Variants in GABRG1 observed in about 807,000 individuals in gnomAD.
GABRG1 encodes the protein gamma-aminobutyric acid type A receptor subunit gamma1.
In GABRG1, 49 loss-of-function variants were observed where a neutral mutation model predicts 49.8. The observed-to-expected ratio is 0.98, with a 90% CI of 0.78 to 1.25. The LOEUF is 1.25. Among genes scored for constraint, GABRG1 ranks in the 50% most tolerant of loss-of-function variants. GABRG1 has a pLI of 0.00. For missense variants in GABRG1, 552 were observed against 552.3 expected, an observed-to-expected ratio of 1.00 and a Z score of 0.01; for synonymous variants, 232 against 185.1, an observed-to-expected ratio of 1.25 and a Z score of -2.06.
intron 2 of GABRG1, among the ~76,000 whole-genome samples, chr4:46,094,680 G>A (rs1720110116): frequency 6.6e-6 from 1 of 151,662 alleles, no homozygotes; most frequent in Admixed American, 6.6e-5. Context: ...GCTTCTACAA[G>A]GAAAAGAAGA....
intron 2 of GABRG1, among the ~76,000 whole-genome samples, chr4:46,086,362 T>A (rs1719752155): frequency 6.6e-6 from 1 of 151,684 alleles, no homozygotes; most frequent in Non-Finnish European, 1.5e-5. Flanking sequence ...TAGAGGTGGG[T>A]AATTGGTATA....
intron 3 of GABRG1, among the ~76,000 whole-genome samples, chr4:46,074,511 A>G (rs577439938): frequency 1.1e-3 from 165 of 152,274 alleles, no homozygotes; most frequent in African/African-American, 3.8e-3. Context: ...CATGTCACAA[A>G]GCTAGGTACC....
chr4:46,102,869 A>C (rs1720426559), intron 1 of GABRG1, among the ~76,000 whole-genome samples: 1 of 151,846 alleles, frequency 6.6e-6, no homozygotes, highest in East Asian at 2.0e-4. Context: ...AAAATTATGA[A>C]GAAAATCCAT....
chr4:46,084,714 AT>A (rs1405923063), intron 2 of GABRG1, among the ~76,000 whole-genome samples: 1 of 151,694 alleles, frequency 6.6e-6, no homozygotes, highest in Non-Finnish European at 1.5e-5. Flanking sequence ...CACAGATTTA[AT>A]TTTAGTACAC....
chr4:46,051,424 C>A lies in GABRG1; in HGVS notation c.1131G>T (p.Ser377=), dbSNP rs764771110. ...ATAGAAATTTTTCTTTTTAACATACCGAGGCTTTATTTTTTAGCTTTCTGT... is the reference window on the plus strand; with the variant it reads ...ATAGAAATTTTTCTTTTTAACATACAGAGGCTTTATTTTTTAGCTTTCTGT... ...TKDRKLKNKA[S]MTPGLHPGST... is the part of the protein sequence containing the mutation. The change falls in exon 8 of 9, where the codon TCG becomes TCT. Residue 377 remains serine, a splice_region_variant and synonymous_variant. Transcript: ENST00000295452. The A allele has an allele frequency of 6.3e-7, 1 of 1,595,376 alleles. No homozygotes were observed. The highest frequency in any genetic ancestry group is 8.5e-7 in the Non-Finnish European group (1 of 1,171,868).
chr4:46,086,130 T>C (rs1719743603), intron 2 of GABRG1, among the ~76,000 whole-genome samples: 1 of 151,784 alleles, frequency 6.6e-6, no homozygotes, highest in South Asian at 2.1e-4. Context: ...GCAAGGTTTC[T>C]TTCTGTGCTG....
At chr4:46,116,620 T>A (rs976252247) in intron 1 of GABRG1, among the ~76,000 whole-genome samples, 1 of 150,752 alleles carries the variant, frequency 6.6e-6, no homozygotes, top group African/African-American at 2.4e-5. Context: ...CTGAAATGAG[T>A]GTCAAATATT....
chr4:46,063,893 T>G (rs1023720376), intron 5 of GABRG1, among the ~76,000 whole-genome samples: 2 of 152,152 alleles, frequency 1.3e-5, no homozygotes, highest in African/African-American at 4.8e-5. Flanking sequence ...CCGGTTTTTA[T>G]ACTCTAATTA....
intron 5 of GABRG1, among the ~76,000 whole-genome samples, chr4:46,060,537 T>C (rs1038849354): frequency 6.6e-6 from 1 of 152,174 alleles, no homozygotes; most frequent in African/African-American, 2.4e-5. Flanking sequence ...TAGAATATTT[T>C]AATGGTATAA....
At chr4:46,079,571 T>A (rs1446203845) in intron 3 of GABRG1, among the ~76,000 whole-genome samples, 1 of 151,950 alleles carries the variant, frequency 6.6e-6, no homozygotes, top group Non-Finnish European at 1.5e-5. Flanking sequence ...ATATTAGTCA[T>A]CTCTTAATAT....
rs781649871 is a variant in GABRG1 at position 46,102,453 on chromosome 4, C to G, written c.105-5104G>C. ...TGCACTCAGATTCTTTTGATCCAAACTACTTCTTCCCCCCTCTACTTTCAT... is the reference window on the plus strand; with the variant it reads ...TGCACTCAGATTCTTTTGATCCAAAGTACTTCTTCCCCCCTCTACTTTCAT... On this transcript the variant is annotated intron_variant, in intron 1 of 8. Transcript: ENST00000295452. 7.8e-4 allele frequency among the ~76,000 whole-genome samples: 119 copies of G among 151,778 alleles called. 1 individual carries two copies. The highest frequency in any genetic ancestry group is 4.1e-4 in the South Asian group (2 of 4,822).
At chr4:46,123,616 C>T (rs1305312657) in intron 1 of GABRG1, among the ~76,000 whole-genome samples, 194 bp downstream of exon 1, 2 of 151,972 alleles carry the variant, frequency 1.3e-5, no homozygotes, top group African/African-American at 2.4e-5. Flanking sequence ...CAATCTCATG[C>T]TTCAGAAATA....
chr4:46,040,146 A>G lies in GABRG1; in HGVS notation c.*842T>C, dbSNP rs1295536074. On this transcript the variant is annotated 3_prime_UTR_variant, in exon 9 of 9. Coordinates refer to ENST00000295452, the MANE Select transcript of GABRG1 (RefSeq NM_173536.4). ...TTCATAAAACATAAAGAAAAAAATA[A>G]TCATTTCTCTCTGCATTTAATTTGC... The G allele has an allele frequency of 6.6e-6, 1 of 151,962 alleles. No homozygotes were observed. Among genetic ancestry groups the G allele is most frequent in the Non-Finnish European group, 1.5e-5 (1 of 67,908 alleles). The allele number at this position is 151,962 out of a possible 1,614,324, so 9.4% of individuals were successfully genotyped here.
chr4:46,079,545 C>T (rs1497561), intron 3 of GABRG1, among the ~76,000 whole-genome samples: 8,974 of 151,934 alleles, frequency 0.059, 457 homozygotes, highest in African/African-American at 0.13. Context: ...CCTTGTCCCT[C>T]ACTTTCAAAG....
Position 46,051,317 on chromosome 4 carries a change from A to T in GABRG1, c.1131+107T>A, listed in dbSNP as rs1025409553. On this transcript the variant is annotated intron_variant, in intron 8 of 8. Transcript: ENST00000295452. ...TTTCATCTTAACTTTGTCTTTGGTT[A>T]TGGGTCTCAAGCGTCCCTATTTCTG... is the stretch of plus-strand genomic sequence containing the variant. The T allele has an allele frequency of 3.9e-6, 3 of 774,038 alleles. No individual in the cohort carries two copies. In the South Asian group the frequency reaches 5.7e-5, roughly 15 times the overall value. 47.9% of individuals were successfully genotyped at this position (774,038 alleles called of 1,614,324 possible). A position where few individuals can be genotyped will look rare whatever the true frequency, so the allele number is the denominator to read the frequency against.
intron 1 of GABRG1, among the ~76,000 whole-genome samples, chr4:46,106,746 A>AT (rs544823876): frequency 9.4e-4 from 141 of 150,156 alleles, no homozygotes; most frequent in African/African-American, 3.3e-3. Context: ...ATTTTCAGTC[A>AT]TTTTTTTGGT....
chr4:46,113,279 A>G (rs1292275933), intron 1 of GABRG1, among the ~76,000 whole-genome samples: 1 of 151,180 alleles, frequency 6.6e-6, no homozygotes, highest in Admixed American at 6.6e-5. Flanking sequence ...TAAACTTACA[A>G]TCATGGTGAA....
At chr4:46,122,307 G>T (rs921296816) in intron 1 of GABRG1, among the ~76,000 whole-genome samples, 2 of 151,998 alleles carry the variant, frequency 1.3e-5, no homozygotes, top group African/African-American at 4.8e-5. Flanking sequence ...TTGTTTGAAA[G>T]GAAAACTCGT....
At chr4:46,051,801 C>A (rs1718235172) in intron 7 of GABRG1, among the ~76,000 whole-genome samples, 163 bp from the exon 8 acceptor site, 1 of 151,752 alleles carries the variant, frequency 6.6e-6, no homozygotes, top group South Asian at 2.1e-4. Flanking sequence ...ACATTGTGTC[C>A]AATGTGCTCT....
Sources: allele counts gnomAD v4.1 joint callset (sites outside exome capture counted in the v4.1 genomes callset), GRCh38; gene constraint gnomAD v4.1.1; transcripts MANE v1.5; gene names NCBI Gene and HGNC (gene_info 2026-07-23, HGNC 2026-07-21).